Variants in HELZ observed in about 807,000 individuals in gnomAD.
The protein encoded by HELZ is ATP-dependent RNA helicase with zinc finger domain.
A neutral mutation model predicts 218.2 loss-of-function variants in HELZ; 23 were observed. The ratio of observed to expected loss-of-function variants is 0.11; its 90% CI spans 0.08 to 0.15. The LOEUF (loss-of-function observed/expected upper bound fraction) is 0.15, where lower values mean the gene tolerates loss of function less well. Ranked by LOEUF, HELZ falls within the 10% of genes least tolerant of loss-of-function variation. HELZ has a pLI of 1.00. For synonymous variants in HELZ, 814 were observed against 829.4 expected (o/e 0.98, Z 0.32); for missense variants, 1,813 against 2,353.7 (o/e 0.77, Z 4.75).
At chr17:67,118,692 CAAAAAAAAAA>C (rs142101119) in intron 27 of HELZ, among the ~76,000 whole-genome samples, 1 of 44,912 alleles carries the variant, frequency 2.2e-5, no homozygotes, top group African/African-American at 9.4e-5. Flanking sequence ...CTTTAAAAGG[CAAAAAAAAAA>C]AAAAAAAAAA....
Position 67,167,609 on chromosome 17 carries a change from G to A in HELZ, c.1618C>T (p.Pro540Ser), listed in dbSNP as rs1333910546. 1 of 1,613,836 alleles carries A rather than the reference G, an allele frequency of 6.2e-7. No homozygotes were observed. The highest frequency in any genetic ancestry group is 2.2e-5 in the East Asian group (1 of 44,856). ...KVNAVYLLPV[P>S]KQKLVQTQGT... ...TGGGTCTGTACTAACTTCTGTTTAGGGACTGGTAATAAATAAACAGCATTG... is the reference window on the plus strand; with the variant it reads ...TGGGTCTGTACTAACTTCTGTTTAGAGACTGGTAATAAATAAACAGCATTG... The change falls in exon 14 of 33, where the codon CCT (proline) becomes TCT (serine). Residue 540 changes from proline to serine, a missense_variant. By Grantham distance (74) the Pro-to-Ser change is moderately conservative. This residue lies in a region of HELZ where 714 missense variants were observed against 1,029.2 expected (regional missense o/e 0.69). Coordinates refer to ENST00000358691, the MANE Select transcript of HELZ (RefSeq NM_014877.4).
At chr17:67,187,233 A>T (rs943210873) in intron 12 of HELZ, among the ~76,000 whole-genome samples, 2 of 152,232 alleles carry the variant, frequency 1.3e-5, no homozygotes, top group Non-Finnish European at 2.9e-5. Context: ...TACTGAAAAG[A>T]TGACAAAAAT....
intron 28 of HELZ, among the ~76,000 whole-genome samples, chr17:67,113,629 A>G (rs898428737): frequency 6.6e-6 from 1 of 152,172 alleles, no homozygotes; most frequent in African/African-American, 2.4e-5. Context: ...GGGCTATGGT[A>G]AAAGTGCTAA....
At chr17:67,080,128 T>C (rs2036143519) in intron 32 of HELZ, among the ~76,000 whole-genome samples, 1 of 152,212 alleles carries the variant, frequency 6.6e-6, no homozygotes, top group Non-Finnish European at 1.5e-5. Context: ...TTATAATCTA[T>C]CTGCAATTTA....
At chr17:67,091,269 A>G (rs905473363) in intron 31 of HELZ, among the ~76,000 whole-genome samples, 2 of 152,244 alleles carry the variant, frequency 1.3e-5, no homozygotes, top group Non-Finnish European at 2.9e-5. Flanking sequence ...AAGTGAAAAA[A>G]GAAGGGGAAA....
chr17:67,183,578 T>G (rs1411738967), intron 12 of HELZ, among the ~76,000 whole-genome samples: 1 of 152,202 alleles, frequency 6.6e-6, no homozygotes, highest in Non-Finnish European at 1.5e-5. Flanking sequence ...ATAAATGATA[T>G]CAAGTTTCCA....
At chr17:67,087,998 G>C (rs1430067232) in intron 31 of HELZ, among the ~76,000 whole-genome samples, 1 of 152,184 alleles carries the variant, frequency 6.6e-6, no homozygotes, top group Non-Finnish European at 1.5e-5. Context: ...TTTATTGGCA[G>C]TGTCACCTTG....
chr17:67,154,428 T>TA (rs1170962542), intron 17 of HELZ, among the ~76,000 whole-genome samples: 2 of 151,652 alleles, frequency 1.3e-5, no homozygotes, highest in African/African-American at 4.8e-5. Flanking sequence ...GACTCTGTCT[T>TA]AAAAAAAAAT....
intron 32 of HELZ, among the ~76,000 whole-genome samples, chr17:67,084,429 G>A (rs1331174642): frequency 2.6e-5 from 4 of 151,828 alleles, no homozygotes; most frequent in African/African-American, 4.8e-5. Flanking sequence ...TTGGGAGGCC[G>A]AGGCGGGCGG....
chr17:67,094,803 A>T (rs2036692194), intron 31 of HELZ, among the ~76,000 whole-genome samples: 1 of 152,174 alleles, frequency 6.6e-6, no homozygotes, highest in Non-Finnish European at 1.5e-5. Context: ...ACTCTTTAAG[A>T]CATTTTTTAA....
At chr17:67,207,845 C>T (rs1004078498) in intron 5 of HELZ, among the ~76,000 whole-genome samples, 3 of 152,156 alleles carry the variant, frequency 2.0e-5, no homozygotes, top group African/African-American at 7.2e-5. Context: ...CCCATCTCTA[C>T]TAAAAATACA....
chr17:67,124,114 T>C, intron 24 of HELZ, 100 bp from the exon 25 acceptor site: 1 of 754,886 alleles, frequency 1.3e-6, no homozygotes, highest in Non-Finnish European at 2.2e-6. Context: ...TACACATCAA[T>C]AATTAAAATC....
intron 20 of HELZ, among the ~76,000 whole-genome samples, chr17:67,147,775 G>A (rs1299876277): frequency 6.6e-6 from 1 of 151,884 alleles, no homozygotes; most frequent in Non-Finnish European, 1.5e-5. Flanking sequence ...ACCCTCCACA[G>A]AGAGGGTTCC....
Position 67,078,312 on chromosome 17 carries a change from G to A in HELZ, c.5769C>T (p.Phe1923=), listed in dbSNP as rs1222402562. The A allele has an allele frequency of 2.5e-6, 4 of 1,614,104 alleles. No homozygotes were observed. The highest frequency in any genetic ancestry group is 3.4e-6 in the Non-Finnish European group (4 of 1,180,018). Residue 1923 remains phenylalanine (F), a synonymous_variant, in exon 33 of 33, where the codon TTC becomes TTT. Coordinates refer to ENST00000358691, the MANE Select transcript of HELZ (RefSeq NM_014877.4). ...AKKSSDPLSL[F]QELSLGSSSG... is the part of the protein sequence containing the mutation. ...ATGAGCTCCCTAGGCTCAGTTCCTG[G>A]AAGAGAGACAGAGGGTCGCTACTCT... is the stretch of plus-strand genomic sequence containing the variant.
At position 67,178,713 on chromosome 17, in the gene HELZ, C is replaced by T. The variant is rs1388232900; in HGVS notation, c.1376G>A (p.Arg459Gln). 7.4e-6 allele frequency: 12 copies of T among 1,613,630 alleles called. No homozygotes were observed. The highest frequency in any genetic ancestry group is 1.3e-5 in the African/African-American group (1 of 74,878). Residue 459 changes from arginine (R) to glutamine (Q), a missense_variant, in exon 13 of 33, where the codon CGG becomes CAG. Physicochemically the swap from Arg to Gln is conservative, Grantham distance 43 (BLOSUM62 1). Around this residue, in one of 4 missense-constraint regions of HELZ, gnomAD observed 714 missense variants for 1,029.2 expected, o/e 0.69. Transcript: ENST00000358691. ...KSLTKSNYQSRLHDLLYIEEI... is the reference protein window; with the variant it reads ...KSLTKSNYQSQLHDLLYIEEI... ...CTCAATATAAAGAAGGTCATGTAAC[C>T]GTGACTGATAGTTGCTCTTGGTCAA...
chr17:67,210,800 T>C (rs1037535136), intron 5 of HELZ, among the ~76,000 whole-genome samples: 2 of 152,114 alleles, frequency 1.3e-5, no homozygotes, highest in African/African-American at 2.4e-5. Context: ...CGCATGCCTG[T>C]AGTCCCAGCT....
At chr17:67,083,170 T>C (rs2036252461) in intron 32 of HELZ, among the ~76,000 whole-genome samples, 1 of 152,212 alleles carries the variant, frequency 6.6e-6, no homozygotes, top group South Asian at 2.1e-4. Context: ...TTTTAAATGT[T>C]TTTAATTAAA....
rs998363996 is a variant in HELZ at position 67,238,543 on chromosome 17, A to T, written c.-19+890T>A. Among the ~76,000 whole-genome samples the T allele has an allele frequency of 1.1e-4, 17 of 152,008 alleles. 1 individual carries two copies. The highest frequency in any genetic ancestry group is 4.1e-4 in the African/African-American group (17 of 41,462). ...CTAAAAATACAAAAAGTAGCTGGGC[A>T]TGGTGGCGGGCGCCTGTAATCCCAG... On this transcript the variant is annotated intron_variant, in intron 3 of 32. Transcript: ENST00000358691.
At chr17:67,127,112 C>T (rs1224352897) in intron 24 of HELZ, among the ~76,000 whole-genome samples, 1 of 152,142 alleles carries the variant, frequency 6.6e-6, no homozygotes, top group Admixed American at 6.5e-5. Flanking sequence ...TGACATGTTT[C>T]CCCAATCTCC....
Sources: gnomAD v4.1 joint callset for allele counts (sites outside exome capture counted in the v4.1 genomes callset) on GRCh38, gnomAD v4.1.1 for gene constraint, gnomAD v4.1.1 regional missense constraint, MANE v1.5 for transcripts, NCBI Gene and HGNC (gene_info 2026-07-23, HGNC 2026-07-21) for gene names.